EPB41L4B: variants seen among roughly 807,000 people sequenced by gnomAD.
EPB41L4B encodes the protein band 4.1-like protein 4B.
A neutral mutation model predicts 112.5 loss-of-function variants in EPB41L4B; 30 were observed. That is an observed-to-expected ratio of 0.27 (90% CI 0.20 to 0.36). EPB41L4B has a LOEUF of 0.36. Ranked by LOEUF, EPB41L4B falls within the 10% of genes least tolerant of loss-of-function variation. The probability of loss-of-function intolerance (pLI) is 1.00; values close to 1 mark genes in which losing one functional copy is unlikely to be tolerated. For synonymous variants in EPB41L4B, 408 were observed against 439.7 expected (o/e 0.93, Z 0.90); for missense variants, 1,024 against 1,133.3 (o/e 0.90, Z 1.38).
intron 1 of EPB41L4B, among the ~76,000 whole-genome samples, chr9:109,290,892 CA>C (rs1490902875): frequency 1.3e-5 from 2 of 151,914 alleles, no homozygotes; most frequent in Non-Finnish European, 2.9e-5. Context: ...CTGAAATTAC[CA>C]AATAAGTTAC....
intron 12 of EPB41L4B, among the ~76,000 whole-genome samples, chr9:109,252,987 T>C (rs1031765995): frequency 1.7e-4 from 26 of 152,120 alleles, no homozygotes. Context: ...GAGGAAAGTT[T>C]GGACTGACTG....
rs754715249 is a variant in EPB41L4B at position 109,213,775 on chromosome 9, G to A, written c.1677C>T (p.Ala559=). 1 of 1,614,170 alleles carries A rather than the reference G, an allele frequency of 6.2e-7. No homozygotes were observed. Among genetic ancestry groups the A allele is most frequent in the Admixed American group, 1.7e-5 (1 of 60,024 alleles). Residue 559 remains alanine, a synonymous_variant, in exon 17 of 26, where the codon GCC becomes GCT. Coordinates refer to ENST00000374566, the MANE Select transcript of EPB41L4B (RefSeq NM_019114.5). ...TTTCCAGTTCCAGCTTCTTTAGATG[G>A]GCAGCGGCTTCACTGAACAAGGCAG... ...GTPALFSEAA[A]HLKKLELETV...
intron 1 of EPB41L4B, among the ~76,000 whole-genome samples, chr9:109,317,417 A>G (rs1467355394): frequency 2.6e-5 from 4 of 152,162 alleles, no homozygotes; most frequent in Admixed American, 6.5e-5. Context: ...GTTTCCCAAG[A>G]GCCTCCAGGC....
chr9:109,248,506 A>G (rs1834645266), intron 13 of EPB41L4B, among the ~76,000 whole-genome samples: 1 of 152,178 alleles, frequency 6.6e-6, no homozygotes, highest in African/African-American at 2.4e-5. Flanking sequence ...TAGAATCAAC[A>G]TCTGCAGAAT....
At chr9:109,302,942 G>A (rs1463012480) in intron 1 of EPB41L4B, among the ~76,000 whole-genome samples, 3 of 152,142 alleles carry the variant, frequency 2.0e-5, no homozygotes, top group East Asian at 1.9e-4. Flanking sequence ...GAAGCTGGGT[G>A]CAGTAGCATG....
At chr9:109,282,249 G>A (rs981270723) in intron 1 of EPB41L4B, among the ~76,000 whole-genome samples, 5 of 152,166 alleles carry the variant, frequency 3.3e-5, no homozygotes, top group East Asian at 1.9e-4. Context: ...GGGTTTGGGG[G>A]ACGACAGCTA....
At chr9:109,239,670 T>C (rs908267907) in intron 15 of EPB41L4B, 1 of 212,430 alleles carries the variant, frequency 4.7e-6, no homozygotes, top group African/African-American at 2.4e-5. Context: ...AATCAGGATA[T>C]CATAAGTATG....
At chr9:109,195,121 ACT>A (rs1358775857) in intron 20 of EPB41L4B, among the ~76,000 whole-genome samples, 2 of 152,010 alleles carry the variant, frequency 1.3e-5, no homozygotes, top group African/African-American at 2.4e-5. Context: ...CATCTGTCTG[ACT>A]CTCTGCTTTA....
intron 1 of EPB41L4B, among the ~76,000 whole-genome samples, chr9:109,306,971 T>G (rs942842842): frequency 2.0e-5 from 3 of 151,270 alleles, no homozygotes; most frequent in Non-Finnish European, 2.9e-5. Context: ...GACCATTTTG[T>G]ATTCCTCCCA....
intron 23 of EPB41L4B, 86 bp downstream of exon 23, chr9:109,185,403 C>G (rs113174502): frequency 6.9e-6 from 8 of 1,152,092 alleles, no homozygotes; most frequent in Non-Finnish European, 9.1e-6. Context: ...GGCTTCTGCA[C>G]GCCCACCCAG....
chr9:109,313,551 C>T (rs1018384278), intron 1 of EPB41L4B, among the ~76,000 whole-genome samples: 1 of 152,204 alleles, frequency 6.6e-6, no homozygotes, highest in Non-Finnish European at 1.5e-5. Flanking sequence ...ATAGCAGCTG[C>T]TTTCAGATGC....
At chr9:109,187,622 T>C (rs781682796) in intron 22 of EPB41L4B, among the ~76,000 whole-genome samples, 1 of 152,158 alleles carries the variant, frequency 6.6e-6, no homozygotes, top group East Asian at 1.9e-4. Context: ...AGGGCATCCA[T>C]ACTCCAACCA....
intron 20 of EPB41L4B, 119 bp from the exon 21 acceptor site, chr9:109,194,516 C>A (rs1832576692): frequency 9.4e-7 from 1 of 1,060,714 alleles, no homozygotes; most frequent in Non-Finnish European, 1.3e-6. Flanking sequence ...GGTTCCCAAA[C>A]AGATGTCCAC....
chr9:109,316,767 T>C (rs910980241), intron 1 of EPB41L4B, among the ~76,000 whole-genome samples: 2 of 152,120 alleles, frequency 1.3e-5, no homozygotes, highest in African/African-American at 4.8e-5. Context: ...TTTTATTTTA[T>C]CAAAGACTGG....
intron 2 of EPB41L4B, among the ~76,000 whole-genome samples, chr9:109,269,675 G>A (rs1835540426): frequency 2.6e-5 from 4 of 152,182 alleles, no homozygotes; most frequent in Non-Finnish European, 5.9e-5. Context: ...ATCACTTTAT[G>A]TGGACCTAAT....
At chr9:109,317,835 G>T (rs1328397073) in intron 1 of EPB41L4B, among the ~76,000 whole-genome samples, 3 of 152,168 alleles carry the variant, frequency 2.0e-5, no homozygotes, top group Non-Finnish European at 4.4e-5. Flanking sequence ...ATAATGACAA[G>T]CAGGGCCAAA....
At position 109,311,292 on chromosome 9, in the gene EPB41L4B, T is replaced by C. The variant is rs1372894157; in HGVS notation, c.306+8849A>G. Reference sequence around the variant, plus strand: ...AACAGGTAGAGCAAAGGAGATGCATTATCAGGCTGACTTCAACGCACCTGA... The same window carrying C: ...AACAGGTAGAGCAAAGGAGATGCATCATCAGGCTGACTTCAACGCACCTGA... On this transcript the variant is annotated intron_variant, in intron 1 of 25. Coordinates refer to ENST00000374566, the MANE Select transcript of EPB41L4B (RefSeq NM_019114.5). 2.0e-5 allele frequency among the ~76,000 whole-genome samples: 3 copies of C among 152,188 alleles called. No individual in the cohort carries two copies. In the East Asian group the frequency reaches 5.8e-4, roughly 29 times the overall value.
At chr9:109,262,838 C>G (rs1032720251) in intron 6 of EPB41L4B, among the ~76,000 whole-genome samples, 3 of 152,198 alleles carry the variant, frequency 2.0e-5, no homozygotes, top group Non-Finnish European at 2.9e-5. Context: ...TCCAAACCTC[C>G]TGCACGTCTC....
intron 6 of EPB41L4B, among the ~76,000 whole-genome samples, chr9:109,258,769 G>A (rs527371385): frequency 1.1e-4 from 16 of 152,316 alleles, no homozygotes; most frequent in African/African-American, 3.9e-4. Flanking sequence ...GGGAAAGTAG[G>A]AAGGGGAGGG....
Sources: gnomAD v4.1 joint callset for allele counts (sites outside exome capture counted in the v4.1 genomes callset) on GRCh38, gnomAD v4.1.1 for gene constraint, MANE v1.5 for transcripts, NCBI Gene and HGNC (gene_info 2026-07-23, HGNC 2026-07-21) for gene names.